LRRFIP2: variants seen among roughly 807,000 people sequenced by gnomAD.
The protein encoded by LRRFIP2 is LRR binding FLII interacting protein 2, also known as leucine-rich repeat flightless-interacting protein 2.
A neutral mutation model predicts 125.9 loss-of-function variants in LRRFIP2; 109 were observed. The ratio of observed to expected loss-of-function variants is 0.87; its 90% confidence interval spans 0.74 to 1.01. The LOEUF (loss-of-function observed/expected upper bound fraction) is 1.01, where lower values mean the gene tolerates loss of function less well. LRRFIP2 is among the 50% of genes least tolerant of loss of function. The probability of loss-of-function intolerance (pLI) is 0.00; values close to 1 mark genes in which losing one functional copy is unlikely to be tolerated. For missense variants in LRRFIP2, 850 were observed against 862.3 expected (o/e 0.99, Z 0.18); for synonymous variants, 291 against 293.1 (o/e 0.99, Z 0.07).
intron 2 of LRRFIP2, among the ~76,000 whole-genome samples, chr3:37,143,032 T>C (rs2095754897): frequency 6.6e-6 from 1 of 152,124 alleles, no homozygotes; most frequent in African/African-American, 2.4e-5. Flanking sequence ...GCTGTCCCCC[T>C]TGCGCTCTCG....
intron 1 of LRRFIP2, among the ~76,000 whole-genome samples, chr3:37,165,800 AGAAAGAAAGAAAG>A (rs1560166152): frequency 1.2e-4 from 5 of 40,274 alleles, no homozygotes; most frequent in Non-Finnish European, 3.3e-4. Context: ...AGAAAGAGAA[AGAAAGAAAGAAAG>A]AAAGAAAGAA....
intron 1 of LRRFIP2, among the ~76,000 whole-genome samples, chr3:37,150,554 GGATTAA>G (rs2095994321): frequency 6.6e-6 from 1 of 151,992 alleles, no homozygotes; most frequent in South Asian, 2.1e-4. Flanking sequence ...CCATCCACCA[GGATTAA>G]ATAATAAGGA....
intron 20 of LRRFIP2, among the ~76,000 whole-genome samples, chr3:37,073,637 T>C (rs888540310): frequency 6.6e-6 from 1 of 152,218 alleles, no homozygotes; most frequent in South Asian, 2.1e-4. Context: ...AAGATGTTCA[T>C]TCTAGATGTA....
chr3:37,123,329 C>T (rs972693922), intron 4 of LRRFIP2, among the ~76,000 whole-genome samples: 4 of 152,228 alleles, frequency 2.6e-5, no homozygotes, highest in Non-Finnish European at 2.9e-5. Context: ...GTAGCTGGGA[C>T]CACAGGCACC....
intron 25 of LRRFIP2, 66 bp from the exon 26 acceptor site, chr3:37,055,231 G>A: frequency 1.1e-6 from 1 of 935,948 alleles, no homozygotes; most frequent in Non-Finnish European, 1.6e-6. Context: ...CCATCAGGCA[G>A]TACCTCTGTG....
chr3:37,099,395 G>A (rs1184354410), intron 15 of LRRFIP2, among the ~76,000 whole-genome samples: 1 of 152,060 alleles, frequency 6.6e-6, no homozygotes, highest in Non-Finnish European at 1.5e-5. Context: ...TTTTTAAACA[G>A]AATAAAATTT....
intron 9 of LRRFIP2, 90 bp from the exon 10 acceptor site, chr3:37,109,793 AT>A: frequency 1.8e-6 from 2 of 1,085,904 alleles, no homozygotes; most frequent in Non-Finnish European, 2.8e-6. Flanking sequence ...TAAGTTTATG[AT>A]TTTATACTCC....
chr3:37,165,016 A>C (rs574194402), intron 1 of LRRFIP2, among the ~76,000 whole-genome samples: 1 of 152,174 alleles, frequency 6.6e-6, no homozygotes, highest in South Asian at 2.1e-4. Flanking sequence ...CTGGCAGATC[A>C]CGAGGTCGGG....
intron 19 of LRRFIP2, among the ~76,000 whole-genome samples, chr3:37,082,672 A>G (rs2092737538): frequency 6.6e-6 from 1 of 152,110 alleles, no homozygotes; most frequent in Non-Finnish European, 1.5e-5. Context: ...TGCCCTAAAA[A>G]TCCTCTGTGC....
chr3:37,153,263 C>T (rs939522245), intron 1 of LRRFIP2, among the ~76,000 whole-genome samples: 6 of 152,116 alleles, frequency 3.9e-5, no homozygotes, highest in South Asian at 2.1e-4. Flanking sequence ...TGGTGGCACA[C>T]GCCTGTAGTT....
intron 2 of LRRFIP2, chr3:37,134,664 C>G (rs2095513233): frequency 1.8e-5 from 12 of 664,726 alleles, no homozygotes; most frequent in Non-Finnish European, 2.9e-5. Context: ...TACTATGGCA[C>G]TAAGACAGAT....
chr3:37,161,312 A>G (rs2096337508), intron 1 of LRRFIP2, among the ~76,000 whole-genome samples: 1 of 152,142 alleles, frequency 6.6e-6, no homozygotes, highest in Non-Finnish European at 1.5e-5. Context: ...CCAAGATCGC[A>G]TCACTGCACT....
intron 2 of LRRFIP2, among the ~76,000 whole-genome samples, chr3:37,146,598 G>A (rs1305254766): frequency 1.3e-5 from 2 of 152,146 alleles, no homozygotes; most frequent in South Asian, 2.1e-4. Context: ...AGTCTGTTGA[G>A]GATAATGGCT....
At chr3:37,077,258 C>T (rs1052944544) in intron 19 of LRRFIP2, among the ~76,000 whole-genome samples, 2 of 152,084 alleles carry the variant, frequency 1.3e-5, no homozygotes, top group African/African-American at 2.4e-5. Flanking sequence ...TTTTTAACAG[C>T]AAAACATGAC....
Position 37,063,782 on chromosome 3 carries a change from A to G in LRRFIP2, c.1709T>C (p.Leu570Pro). The G allele has an allele frequency of 1.2e-6, 2 of 1,610,918 alleles. No individual in the cohort carries two copies. The highest frequency in any genetic ancestry group is 2.2e-5 in the East Asian group (1 of 44,786). The change falls in exon 24 of 28, where the codon CTA becomes CCA. Residue 570 changes from leucine (L) to proline (P), a missense_variant. Coordinates refer to ENST00000336686, the MANE Select transcript of LRRFIP2 (RefSeq NM_006309.4). ...TTCCTTCTCTCCAGCAAGTTTTCGT[A>G]GCCTTACATCTAAAACAAATGAAAA... ...SAGEGPLDVRLRKLAGEKEEL... is the reference protein window; with the variant it reads ...SAGEGPLDVRPRKLAGEKEEL...
intron 11 of LRRFIP2, among the ~76,000 whole-genome samples, chr3:37,109,105 A>C (rs1280396049): frequency 6.6e-6 from 1 of 152,130 alleles, no homozygotes; most frequent in East Asian, 1.9e-4. Flanking sequence ...GAAAGCAACA[A>C]ATTCACAGCT....
rs73824651 is a variant in LRRFIP2, at chr3:37,125,627, T to A, written c.228+2003A>T. Among the ~76,000 whole-genome samples, 1,147 of 152,322 alleles carry A rather than the reference T, an allele frequency of 7.5e-3. 18 individuals are homozygous for A. The highest frequency in any genetic ancestry group is 0.026 in the African/African-American group (1,091 of 41,576). On this transcript the variant is annotated intron_variant, in intron 4 of 27. Transcript: ENST00000336686. ...AAAAAGCCCTAGCACAGTGCTGATA[T>A]ACAGTATGCACTCAAAGTTGGACTC... is the stretch of plus-strand genomic sequence containing the variant.
chr3:37,075,226 T>A, intron 19 of LRRFIP2, 110 bp from the exon 20 acceptor site: 3 of 573,132 alleles, frequency 5.2e-6, no homozygotes, highest in Non-Finnish European at 9.0e-6. Context: ...ATGCCCAAAC[T>A]CCTGATTCAT....
intron 14 of LRRFIP2, among the ~76,000 whole-genome samples, chr3:37,105,242 T>C (rs1364539318): frequency 6.6e-6 from 1 of 152,152 alleles, no homozygotes; most frequent in African/African-American, 2.4e-5. Flanking sequence ...TCCTAAGAGA[T>C]GTAAAAAGGC....
Sources: gnomAD v4.1 joint callset for allele counts (sites outside exome capture counted in the v4.1 genomes callset) on GRCh38, gnomAD v4.1.1 for gene constraint, MANE v1.5 for transcripts, NCBI Gene and HGNC (gene_info 2026-07-23, HGNC 2026-07-21) for gene names.